Variants in NPAS3 observed in about 807,000 individuals in gnomAD.
The protein encoded by NPAS3 is neuronal PAS domain protein 3.
Under a neutral mutation model 73.1 loss-of-function variants are expected in NPAS3, and 14 were observed. The observed-to-expected ratio is 0.19, with a 90% CI of 0.13 to 0.30. NPAS3 has a LOEUF of 0.30. Ranked by LOEUF, NPAS3 falls within the 10% of genes least tolerant of loss-of-function variation. The pLI is 1.00. For synonymous variants in NPAS3, 620 were observed against 541.5 expected (o/e 1.14, Z -2.01); for missense variants, 1,096 against 1,250.0 (o/e 0.88, Z 1.86).
chr14:33,041,136 C>T (rs1435439337), intron 1 of NPAS3, among the ~76,000 whole-genome samples: 1 of 152,130 alleles, frequency 6.6e-6, no homozygotes, highest in Non-Finnish European at 1.5e-5. Context: ...CTATAATAGA[C>T]TCCATTTCAA....
intron 2 of NPAS3, among the ~76,000 whole-genome samples, chr14:33,106,772 G>A (rs147425445): frequency 3.3e-3 from 500 of 152,216 alleles, no homozygotes; most frequent in Non-Finnish European, 5.2e-3. Flanking sequence ...TAAACAACTT[G>A]TCTTGGTTCA....
chr14:33,784,745 A>ATTTT (rs1226491375), intron 9 of NPAS3, among the ~76,000 whole-genome samples: 16 of 73,826 alleles, frequency 2.2e-4, no homozygotes, highest in South Asian at 5.4e-4. Context: ...TTATTTATTT[A>ATTTT]TTTTTTTTTT....
At chr14:33,742,270 G>A (rs556559151) in intron 7 of NPAS3, among the ~76,000 whole-genome samples, 1 of 152,224 alleles carries the variant, frequency 6.6e-6, no homozygotes, top group South Asian at 2.1e-4. Context: ...TCTTGACCTG[G>A]TGGTCTGAAA....
intron 2 of NPAS3, among the ~76,000 whole-genome samples, chr14:33,166,625 AG>A (rs1391886964): frequency 6.6e-6 from 1 of 152,188 alleles, no homozygotes; most frequent in African/African-American, 2.4e-5. Context: ...TATCTGAAAG[AG>A]TAAAGAAATT....
At chr14:33,576,220 A>C (rs73270956) in intron 5 of NPAS3, among the ~76,000 whole-genome samples, 14,934 of 152,222 alleles carry the variant, frequency 0.098, 786 homozygotes, top group Middle Eastern at 0.18. Context: ...CACAGTTTAT[A>C]GTACCATATG....
At chr14:33,642,522 C>G (rs1214497135) in intron 5 of NPAS3, among the ~76,000 whole-genome samples, 1 of 152,098 alleles carries the variant, frequency 6.6e-6, no homozygotes, top group Non-Finnish European at 1.5e-5. Context: ...GTTTATAGAT[C>G]ATTTCTTTTA....
At chr14:33,142,304 C>T (rs1444712986) in intron 2 of NPAS3, among the ~76,000 whole-genome samples, 1 of 139,694 alleles carries the variant, frequency 7.2e-6, no homozygotes, top group Admixed American at 7.8e-5. Context: ...CAACACAAGA[C>T]ATACACTAAC....
chr14:33,688,311 T>C (rs1396580998), intron 6 of NPAS3, among the ~76,000 whole-genome samples: 1 of 152,224 alleles, frequency 6.6e-6, no homozygotes, highest in Non-Finnish European at 1.5e-5. Flanking sequence ...GTTAGCTTAG[T>C]AAAAATTTGA....
chr14:33,333,744 G>T (rs10147643), intron 3 of NPAS3, among the ~76,000 whole-genome samples: 25,810 of 152,026 alleles, frequency 0.17, 2,717 homozygotes, highest in African/African-American at 0.29. Flanking sequence ...AAAGTTACTT[G>T]AGTAGAATAC....
chr14:33,095,447 G>C (rs1325725436), intron 2 of NPAS3, among the ~76,000 whole-genome samples: 4 of 152,130 alleles, frequency 2.6e-5, no homozygotes, highest in African/African-American at 9.7e-5. Flanking sequence ...CTAATAAGCT[G>C]CCTGGTGCGA....
intron 1 of NPAS3, among the ~76,000 whole-genome samples, chr14:33,028,843 A>T (rs998114116): frequency 6.6e-6 from 1 of 152,164 alleles, no homozygotes; most frequent in South Asian, 2.1e-4. Context: ...GTTTCATTTA[A>T]GTTCCAGTAT....
chr14:32,992,627 G>A (rs2038381454), intron 1 of NPAS3, among the ~76,000 whole-genome samples: 1 of 152,064 alleles, frequency 6.6e-6, no homozygotes, highest in African/African-American at 2.4e-5. Flanking sequence ...AGGGAGTATA[G>A]TGACCATATT....
chr14:33,769,570 G>C (rs1482050541), intron 7 of NPAS3, among the ~76,000 whole-genome samples: 3 of 152,092 alleles, frequency 2.0e-5, no homozygotes, highest in African/African-American at 7.2e-5. Context: ...CCATTCAGCT[G>C]AAAGTATTTT....
chr14:33,496,143 A>T (rs779058002), intron 4 of NPAS3, among the ~76,000 whole-genome samples: 2 of 152,146 alleles, frequency 1.3e-5, no homozygotes, highest in South Asian at 2.1e-4. Flanking sequence ...CCAAGACTGA[A>T]TCAGGAAGAA....
intron 2 of NPAS3, chr14:33,214,199 T>A (rs2047137693): frequency 6.6e-6 from 1 of 152,210 alleles, no homozygotes; most frequent in Non-Finnish European, 1.5e-5. Context: ...ATTTTTAAAT[T>A]TATTTCTCAT....
chr14:32,964,839 C>T (rs146358036), intron 1 of NPAS3, among the ~76,000 whole-genome samples: 7 of 151,490 alleles, frequency 4.6e-5, no homozygotes, highest in Admixed American at 1.3e-4. Flanking sequence ...AAGATTAGCT[C>T]GGTGTGGTGG....
chr14:33,137,846 A>T (rs937376883), intron 2 of NPAS3, among the ~76,000 whole-genome samples: 3 of 152,166 alleles, frequency 2.0e-5, no homozygotes, highest in Non-Finnish European at 4.4e-5. Context: ...AAATCTGTTA[A>T]TCTAGATTTA....
In NPAS3 at chr14:32,975,613, C is replaced by T. The variant is rs369139168; in HGVS notation, c.50+36247C>T. On this transcript the variant is annotated intron_variant, in intron 1 of 11. Coordinates refer to ENST00000356141, the Ensembl canonical transcript of NPAS3. ...TCTTTGCTATCTTTAAATCATTAGA[C>T]CAGTGTGATTGAGCAAAAGTTGCTC... is the stretch of plus-strand genomic sequence containing the variant. Among the ~76,000 whole-genome samples the T allele has an allele frequency of 5.9e-5, 9 of 152,100 alleles. No homozygotes were observed. In the South Asian group the frequency reaches 1.5e-3, roughly 25 times the overall value.
intron 6 of NPAS3, among the ~76,000 whole-genome samples, chr14:33,689,791 C>CA (rs1312999250): frequency 1.3e-5 from 2 of 152,168 alleles, no homozygotes; most frequent in Non-Finnish European, 2.9e-5. Context: ...AACAGAGATG[C>CA]ATAATGCTTA....
Sources: gnomAD v4.1 joint callset for allele counts (sites outside exome capture counted in the v4.1 genomes callset) on GRCh38, gnomAD v4.1.1 for gene constraint, MANE v1.5 for transcripts, NCBI Gene and HGNC (gene_info 2026-07-23, HGNC 2026-07-21) for gene names.